The following FRK variants were observed in gnomAD, a reference collection of about 807,000 sequenced individuals.
The protein encoded by FRK is fyn related Src family tyrosine kinase.
In FRK, 51 loss-of-function variants were observed where a neutral mutation model predicts 56.4. The ratio of observed to expected loss-of-function variants is 0.90; its 90% CI spans 0.72 to 1.14. The LOEUF (loss-of-function observed/expected upper bound fraction) is 1.14, where lower values mean the gene tolerates loss of function less well. FRK is among the 50% of genes most tolerant of loss of function. The pLI, the probability that FRK is intolerant of heterozygous loss-of-function variation, is 0.00. For synonymous variants in FRK, 245 were observed against 217.9 expected, an observed-to-expected ratio of 1.12 and a Z score of -1.10; for missense variants, 570 against 601.4, an observed-to-expected ratio of 0.95 and a Z score of 0.55.
In FRK at chr6:115,931,627, A is replaced by G. The variant is rs1771960101; in HGVS notation, c.*10787T>C. 6.6e-6 allele frequency: 1 copy of G among 152,216 alleles called. No homozygotes were observed. Among genetic ancestry groups the G allele is most frequent in the Non-Finnish European group, 1.5e-5 (1 of 68,032 alleles). 9.4% of individuals were successfully genotyped at this position (152,216 alleles called of 1,614,324 possible). A position where few individuals can be genotyped will look rare whatever the true frequency, so the allele number is the denominator to read the frequency against. On this transcript the variant is annotated 3_prime_UTR_variant, in exon 8 of 8. Coordinates refer to ENST00000606080, the MANE Select transcript of FRK (RefSeq NM_002031.3). ...TCTTATTTTTTGAATCAATAATTAA[A>G]TATAGATTTTGAAAATTGATTAAAA...
At chr6:116,005,160 A>G (rs1562281791) in intron 1 of FRK, among the ~76,000 whole-genome samples, 2 of 152,232 alleles carry the variant, frequency 1.3e-5, no homozygotes, top group African/African-American at 4.8e-5. Context: ...TAACAAATGC[A>G]GGGTGTTCGT....
chr6:115,970,055 C>A (rs1416755159), intron 2 of FRK, among the ~76,000 whole-genome samples: 1 of 151,978 alleles, frequency 6.6e-6, no homozygotes, highest in Non-Finnish European at 1.5e-5. Flanking sequence ...CAGGCTGGTG[C>A]AATGCTCTTA....
At chr6:116,007,879 T>C (rs1198198570) in intron 1 of FRK, among the ~76,000 whole-genome samples, 1 of 152,268 alleles carries the variant, frequency 6.6e-6, no homozygotes, top group Admixed American at 6.5e-5. Context: ...TTGGGGCACA[T>C]AAATTTTAAT....
intron 1 of FRK, among the ~76,000 whole-genome samples, chr6:116,050,429 G>A (rs913813234): frequency 6.6e-6 from 1 of 152,184 alleles, no homozygotes; most frequent in Middle Eastern, 3.4e-3. Context: ...TAATTACACA[G>A]TTATTCCCAT....
intron 1 of FRK, among the ~76,000 whole-genome samples, chr6:116,007,052 T>C (rs1440405182): frequency 6.6e-6 from 1 of 152,186 alleles, no homozygotes; most frequent in Non-Finnish European, 1.5e-5. Flanking sequence ...CTGGCAATAC[T>C]TTTTCACAGA....
chr6:115,943,563 G>A (rs1199594988), intron 6 of FRK, among the ~76,000 whole-genome samples: 2 of 149,328 alleles, frequency 1.3e-5, no homozygotes, highest in Admixed American at 1.3e-4. Flanking sequence ...CACTGACTTT[G>A]ATAATTACCA....
chr6:116,024,716 C>A (rs551234785), intron 1 of FRK, among the ~76,000 whole-genome samples: 1 of 152,236 alleles, frequency 6.6e-6, no homozygotes, highest in Non-Finnish European at 1.5e-5. Flanking sequence ...AACAGTGCCA[C>A]AATAAACATA....
chr6:116,004,809 G>C (rs1020798475), intron 1 of FRK, among the ~76,000 whole-genome samples: 4 of 152,112 alleles, frequency 2.6e-5, no homozygotes, highest in Non-Finnish European at 4.4e-5. Flanking sequence ...AGAAACCAAT[G>C]TGTTCTAATA....
At chr6:116,098,589 TTAGGTCTTCAACACATGAATG>T in the FRK span, among the ~76,000 whole-genome samples, 1 of 152,182 alleles carries the variant, frequency 6.6e-6, no homozygotes, top group African/African-American at 2.4e-5. Context: ...ACATTGTGGG[TTAGGTCTTCAACACATGAATG>T]AGTGGGGGAC....
In FRK at chr6:115,932,175, C is replaced by T. The variant is rs1430139775; in HGVS notation, c.*10239G>A. ...GCTTTTGAAATTCAGGGTTTATATA[C>T]TACTTTGTTCTCCAGTATATTTCTA... On this transcript the variant is annotated 3_prime_UTR_variant, in exon 8 of 8. Transcript: ENST00000606080. 1.3e-5 allele frequency: 2 copies of T among 149,630 alleles called. No individual in the cohort carries two copies. Among genetic ancestry groups the T allele is most frequent in the Non-Finnish European group, 3.0e-5 (2 of 67,214 alleles). The allele number at this position is 149,630 out of a possible 1,614,324, so 9.3% of individuals were successfully genotyped here.
At chr6:116,039,305 A>G in intron 1 of FRK, 1 of 1,443,176 alleles carries the variant, frequency 6.9e-7, no homozygotes, top group Non-Finnish European at 9.7e-7. Context: ...CAGGAAGTAC[A>G]CGAGAAGTTC....
intron 1 of FRK, among the ~76,000 whole-genome samples, chr6:116,012,698 A>C (rs1038103259): frequency 2.0e-5 from 3 of 152,206 alleles, no homozygotes; most frequent in Admixed American, 2.0e-4. Flanking sequence ...GTTTATACTG[A>C]ACATTGAACT....
the FRK span, among the ~76,000 whole-genome samples, chr6:116,090,327 C>T: frequency 1.3e-5 from 2 of 152,150 alleles, no homozygotes; most frequent in African/African-American, 4.8e-5. Flanking sequence ...TGTGATGATA[C>T]GGGACAGTGA....
At position 115,938,894 on chromosome 6, in the gene FRK, C is replaced by G. The variant is rs981309972; in HGVS notation, c.*3520G>C. 2.0e-5 allele frequency: 3 copies of G among 151,946 alleles called. No homozygotes were observed. The highest frequency in any genetic ancestry group is 4.4e-5 in the Non-Finnish European group (3 of 68,008). 9.4% of individuals were successfully genotyped at this position (151,946 alleles called of 1,614,324 possible). On this transcript the variant is annotated 3_prime_UTR_variant, in exon 8 of 8. Coordinates refer to ENST00000606080, the MANE Select transcript of FRK (RefSeq NM_002031.3). ...TCACAGCCGAATTCTACCAGAGGTA[C>G]AAAGAGGTACAAAGCTAGTACTATT...
chr6:116,079,702 C>T, the FRK span, among the ~76,000 whole-genome samples: 1 of 152,082 alleles, frequency 6.6e-6, no homozygotes, highest in African/African-American at 2.4e-5. Context: ...ATGACCCTCC[C>T]ACTGTGTGCC....
At chr6:116,073,663 C>A in the FRK span, among the ~76,000 whole-genome samples, 13 of 152,132 alleles carry the variant, frequency 8.5e-5, no homozygotes, top group Non-Finnish European at 1.6e-4. Context: ...GCCTCTACAG[C>A]CCATGACTTA....
intron 7 of FRK, 64 bp from the exon 8 acceptor site, chr6:115,942,689 C>G: frequency 1.4e-6 from 2 of 1,389,880 alleles, no homozygotes; most frequent in Non-Finnish European, 2.0e-6. Flanking sequence ...GAGTCTTAAA[C>G]TTATAGCCAT....
intron 2 of FRK, among the ~76,000 whole-genome samples, chr6:115,970,663 T>C (rs1235348763): frequency 6.6e-6 from 1 of 151,816 alleles, no homozygotes; most frequent in South Asian, 2.1e-4. Context: ...TCTGGGGAGG[T>C]TGAGATGGAA....
chr6:115,972,264 T>C (rs865848451), intron 2 of FRK, among the ~76,000 whole-genome samples: 14 of 152,190 alleles, frequency 9.2e-5, no homozygotes, highest in South Asian at 4.1e-4. Context: ...CTTATGGTCC[T>C]GAGATAATAT....
Sources: allele counts gnomAD v4.1 joint callset (sites outside exome capture counted in the v4.1 genomes callset), GRCh38; gene constraint gnomAD v4.1.1; transcripts MANE v1.5; gene names NCBI Gene and HGNC (gene_info 2026-07-23, HGNC 2026-07-21).